Variants in BMP7 observed in about 807,000 individuals in gnomAD.
BMP7 encodes the protein osteogenic protein 1.
Under a neutral mutation model 41.2 loss-of-function variants are expected in BMP7, and 12 were observed. That is an observed-to-expected ratio of 0.29 (90% CI 0.19 to 0.47). BMP7 has a LOEUF of 0.47. Among genes scored for constraint, BMP7 ranks in the 20% least tolerant of loss-of-function variants. The pLI, the probability that BMP7 is intolerant of heterozygous loss-of-function variation, is 0.99. For missense variants in BMP7, 467 were observed against 606.0 expected (o/e 0.77, Z 2.41); for synonymous variants, 248 against 250.0 (o/e 0.99, Z 0.07).
At chr20:57,216,756 C>T (rs1443604555) in intron 2 of BMP7, among the ~76,000 whole-genome samples, 2 of 152,168 alleles carry the variant, frequency 1.3e-5, no homozygotes, top group Admixed American at 1.3e-4. Flanking sequence ...AGGTCTGCGG[C>T]TCAGCGGGTC....
At chr20:57,177,754 A>G (rs6014949) in intron 4 of BMP7, 81,891 of 152,196 alleles carry the variant, frequency 0.54, 22,584 homozygotes, top group African/African-American at 0.65. Context: ...CTGAGGAGAC[A>G]CTTGAGACTT....
In BMP7 at chr20:57,228,137, C is replaced by T; in HGVS notation, c.611+92G>A. 4 of 1,432,692 alleles carry T rather than the reference C, an allele frequency of 2.8e-6. No homozygotes were observed. Among genetic ancestry groups the T allele is most frequent in the Non-Finnish European group, 9.8e-7 (1 of 1,018,622 alleles). 88.7% of individuals were successfully genotyped at this position (1,432,692 alleles called of 1,614,324 possible). A position where few individuals can be genotyped will look rare whatever the true frequency, so the allele number is the denominator to read the frequency against. On this transcript the variant is annotated intron_variant, in intron 2 of 6. Transcript: ENST00000395863. The surrounding 1 kb of genome is among the most constrained non-coding windows in gnomAD (Gnocchi z 4.5). ...GTACAGGGCCTGGCACGTGGTTGTGCCAATCTGACCCATCCTCTGGCCCTC... is the reference window on the plus strand; with the variant it reads ...GTACAGGGCCTGGCACGTGGTTGTGTCAATCTGACCCATCCTCTGGCCCTC...
In BMP7 at chr20:57,228,163, A is replaced by G; in HGVS notation, c.611+66T>C. ...CAATCTGACCCATCCTCTGGCCCTC[A>G]CCACCTTCTTCCTCTGCCCCCAGAG... On this transcript the variant is annotated intron_variant, in intron 2 of 6. Coordinates refer to ENST00000395863, the MANE Select transcript of BMP7 (RefSeq NM_001719.3). This position sits in a 1 kb window ranked among gnomAD's most constrained non-coding sequence, Gnocchi z 4.5. 6.4e-7 allele frequency: 1 copy of G among 1,564,846 alleles called. No homozygotes were observed. The highest frequency in any genetic ancestry group is 1.1e-5 in the South Asian group (1 of 89,664).
At chr20:57,225,847 G>T (rs1433901530) in intron 2 of BMP7, 2 of 471,098 alleles carry the variant, frequency 4.2e-6, no homozygotes, top group African/African-American at 2.0e-5. Flanking sequence ...CTTGCTCAAT[G>T]CTCCCACCTG....
chr20:57,207,953 C>A (rs375506264), intron 2 of BMP7, among the ~76,000 whole-genome samples: 1,977 of 151,576 alleles, frequency 0.013, 26 homozygotes, highest in Middle Eastern at 0.075. Flanking sequence ...CCTCAGCCTC[C>A]CCAGTAGCTG....
At chr20:57,223,985 C>A (rs1985250181) in intron 2 of BMP7, among the ~76,000 whole-genome samples, 1 of 152,220 alleles carries the variant, frequency 6.6e-6, no homozygotes, top group Non-Finnish European at 1.5e-5. Flanking sequence ...CACATCCAGC[C>A]CCACCTACCT....
At chr20:57,262,197 A>T (rs1165139446) in intron 1 of BMP7, among the ~76,000 whole-genome samples, 1 of 152,212 alleles carries the variant, frequency 6.6e-6, no homozygotes, top group Non-Finnish European at 1.5e-5. Flanking sequence ...CTATGGCTAG[A>T]TGCAGTGTGC....
intron 1 of BMP7, among the ~76,000 whole-genome samples, chr20:57,260,634 T>G (rs1184799168): frequency 6.6e-6 from 1 of 152,232 alleles, no homozygotes; most frequent in Non-Finnish European, 1.5e-5. Flanking sequence ...TATATTGATT[T>G]TACCAGTGGG....
intron 4 of BMP7, among the ~76,000 whole-genome samples, chr20:57,182,474 CTGG>C (rs1360275819): frequency 1.3e-5 from 2 of 152,258 alleles, no homozygotes; most frequent in Non-Finnish European, 2.9e-5. Context: ...CCACGAATGC[CTGG>C]TGAATTGTCA....
At chr20:57,210,668 T>C (rs1351533989) in intron 2 of BMP7, among the ~76,000 whole-genome samples, 1 of 152,146 alleles carries the variant, frequency 6.6e-6, no homozygotes, top group Admixed American at 6.5e-5. Context: ...CAGGCACGCG[T>C]TGGAGCCACA....
chr20:57,243,209 G>A (rs1246674378), intron 1 of BMP7, among the ~76,000 whole-genome samples: 1 of 152,174 alleles, frequency 6.6e-6, no homozygotes, highest in African/African-American at 2.4e-5. Flanking sequence ...AAAACTGTGG[G>A]ATTGGTGGCT....
chr20:57,207,855 C>T (rs979129826), intron 2 of BMP7, among the ~76,000 whole-genome samples: 1 of 128,692 alleles, frequency 7.8e-6, no homozygotes, highest in African/African-American at 3.1e-5. Flanking sequence ...CGGAGTCTCG[C>T]TCTGTCGCCC....
chr20:57,228,313 A>G lies in BMP7; in HGVS notation c.527T>C (p.Ile176Thr), dbSNP rs927802614. The G allele has an allele frequency of 6.2e-7, 1 of 1,613,908 alleles. No homozygotes were observed. Among genetic ancestry groups the G allele is most frequent in the Non-Finnish European group, 8.5e-7 (1 of 1,180,022 alleles). The stretch of plus-strand genomic sequence containing the variant: ...GCGTTCCCGGATGTAGTCCTTGTAG[A>G]TCCGGAATTCGGCTGCCGTGACAGC... ...GEAVTAAEFRIYKDYIRERFD... is the reference protein window; with the variant it reads ...GEAVTAAEFRTYKDYIRERFD... Residue 176 changes from isoleucine to threonine, a missense_variant, in exon 2 of 7, where the codon ATC becomes ACC. By Grantham distance (89) the Ile-to-Thr change is moderately conservative (BLOSUM62 -1). Transcript: ENST00000395863. The surrounding 1 kb of genome is among the most constrained non-coding windows in gnomAD (Gnocchi z 4.5).
chr20:57,198,688 A>AC (rs1245486057), intron 3 of BMP7, among the ~76,000 whole-genome samples: 2 of 151,400 alleles, frequency 1.3e-5, no homozygotes, highest in African/African-American at 2.4e-5. Flanking sequence ...TGACCTCGAG[A>AC]CCCCCCACCA....
intron 1 of BMP7, among the ~76,000 whole-genome samples, chr20:57,245,640 T>TC (rs1260301436): frequency 3.4e-5 from 5 of 148,804 alleles, no homozygotes; most frequent in Admixed American, 2.7e-4. Context: ...TAGTGATTTT[T>TC]TTTTTTTTTT....
intron 4 of BMP7, among the ~76,000 whole-genome samples, chr20:57,177,167 A>G (rs1206469713): frequency 6.6e-6 from 1 of 152,180 alleles, no homozygotes; most frequent in East Asian, 1.9e-4. Flanking sequence ...AATGGGCTAG[A>G]AGCAGCAAGC....
rs1253389584 is a variant in BMP7, at chr20:57,265,988, G to A, written c.135C>T (p.Arg45=). ...TCTCCCGCCGCTCCTGGCTGCGGAG[G>A]CGCCGGTGGATGAAGCTCGAGTGCA... ...NEVHSSFIHR[R]LRSQERREMQ... is the part of the protein sequence containing the mutation. The change falls in exon 1 of 7, where the codon CGC becomes CGT. Residue 45 remains arginine, a synonymous_variant. Coordinates refer to ENST00000395863, the MANE Select transcript of BMP7 (RefSeq NM_001719.3). The A allele has an allele frequency of 1.9e-6, 3 of 1,550,820 alleles. No individual in the cohort carries two copies. Among genetic ancestry groups the A allele is most frequent in the Admixed American group, 2.0e-5 (1 of 51,046 alleles).
chr20:57,198,589 G>A (rs114951864), intron 3 of BMP7, among the ~76,000 whole-genome samples: 4 of 152,186 alleles, frequency 2.6e-5, no homozygotes, highest in South Asian at 2.1e-4. Context: ...CGGCTGCTCC[G>A]CATGGTGACT....
rs1984971905 is a variant in BMP7, at chr20:57,214,687, C to T, written c.612-12064G>A. 6.6e-6 allele frequency among the ~76,000 whole-genome samples: 1 copy of T among 152,252 alleles called. No homozygotes were observed. The highest frequency in any genetic ancestry group is 2.1e-4 in the South Asian group (1 of 4,834). ...CATCCCAGGGAAGCGTCCACTGATG[C>T]CCTAATGGTGCATCCACGTCGGACA... On this transcript the variant is annotated intron_variant, in intron 2 of 6. Transcript: ENST00000395863. This position sits in a 1 kb window ranked among gnomAD's most constrained non-coding sequence, Gnocchi z 4.0.
Sources: gnomAD v4.1 joint callset for allele counts (sites outside exome capture counted in the v4.1 genomes callset) on GRCh38, gnomAD v4.1.1 for gene constraint, Gnocchi (gnomAD v3.1) non-coding constraint, MANE v1.5 for transcripts, NCBI Gene and HGNC (gene_info 2026-07-23, HGNC 2026-07-21) for gene names.